The following KAZN variants were observed in gnomAD, a reference collection of about 807,000 sequenced individuals.
KAZN encodes kazrin.
KAZN carries 40 observed loss-of-function variants against 87.4 expected under a neutral mutation model. The ratio of observed to expected loss-of-function variants is 0.46; its 90% confidence interval spans 0.36 to 0.60. The LOEUF (loss-of-function observed/expected upper bound fraction) is 0.60, where lower values mean the gene tolerates loss of function less well. Among genes scored for constraint, KAZN ranks in the 20% least tolerant of loss-of-function variants. The pLI, the probability that KAZN is intolerant of heterozygous loss-of-function variation, is 0.00. For synonymous variants in KAZN, 466 were observed against 458.3 expected (o/e 1.02, Z -0.22); for missense variants, 898 against 1,073.9 (o/e 0.84, Z 2.29).
chr1:14,835,270 C>A (rs527496574), intron 1 of KAZN, among the ~76,000 whole-genome samples: 4 of 152,306 alleles, frequency 2.6e-5, no homozygotes, highest in African/African-American at 9.6e-5. Context: ...ATGATGGCAT[C>A]TGTGACAAGC....
intron 2 of KAZN, among the ~76,000 whole-genome samples, chr1:14,585,863 G>A (rs1333482423): frequency 1.3e-5 from 2 of 152,150 alleles, no homozygotes; most frequent in Admixed American, 6.5e-5. Flanking sequence ...AGGGAAGATG[G>A]GCTTCTGCTG....
rs141381486 is a variant in KAZN, at chr1:14,057,746, T to C, written c.92-122689T>C. The stretch of plus-strand genomic sequence containing the variant: ...TGTCTGGAAAGGCAACTCAAATAAA[T>C]GCTAATGTGGGCCAGGCCACTGAGT... On this transcript the variant is annotated intron_variant, in intron 1 of 16. Coordinates refer to the KAZN transcript ENST00000636203. 1.4e-4 allele frequency among the ~76,000 whole-genome samples: 21 copies of C among 152,270 alleles called. No homozygotes were observed. In the East Asian group the frequency reaches 4.1e-3, roughly 29 times the overall value.
At position 14,184,330 on chromosome 1, in the gene KAZN, C is replaced by T. The variant is rs1261964490; in HGVS notation, c.249+3738C>T. Among the ~76,000 whole-genome samples, 1 of 152,080 alleles carries T rather than the reference C, an allele frequency of 6.6e-6. No individual in the cohort carries two copies. On this transcript the variant is annotated intron_variant, in intron 2 of 16. Coordinates refer to the KAZN transcript ENST00000636203. The surrounding 1 kb of genome is among the most constrained non-coding windows in gnomAD (Gnocchi z 4.2). ...TCCCCTCCTCCCTCCCTCGCCTTCT[C>T]TTCTTTTGGTTGGCAAAATAAATGT...
At chr1:14,488,937 T>A (rs1457749356) in intron 2 of KAZN, among the ~76,000 whole-genome samples, 1 of 152,248 alleles carries the variant, frequency 6.6e-6, no homozygotes, top group African/African-American at 2.4e-5. Flanking sequence ...TTGCATTGTT[T>A]CACTGCCCTC....
At chr1:14,154,351 C>A (rs931446767) in intron 1 of KAZN, among the ~76,000 whole-genome samples, 1 of 152,120 alleles carries the variant, frequency 6.6e-6, no homozygotes, top group Non-Finnish European at 1.5e-5. Flanking sequence ...ATTTTGTATC[C>A]TGCAGCTTTA....
intron 2 of KAZN, among the ~76,000 whole-genome samples, chr1:14,384,115 T>C (rs1443436338): frequency 6.6e-6 from 1 of 150,910 alleles, no homozygotes; most frequent in Admixed American, 6.6e-5. Context: ...GGCTCTCTGT[T>C]TGTCTGTTAT....
intron 1 of KAZN, among the ~76,000 whole-genome samples, chr1:14,785,561 G>A (rs1645487333): frequency 6.6e-6 from 1 of 151,934 alleles, no homozygotes; most frequent in African/African-American, 2.4e-5. Flanking sequence ...TTCCTGCTCC[G>A]ACCCTCACCA....
intron 1 of KAZN, among the ~76,000 whole-genome samples, chr1:13,953,494 C>T (rs985940698): frequency 3.3e-5 from 5 of 152,168 alleles, no homozygotes; most frequent in South Asian, 4.1e-4. Context: ...TCCAAAATAA[C>T]GTGTTCTCAG....
chr1:15,035,815 G>A (rs942915387), intron 3 of KAZN, among the ~76,000 whole-genome samples: 1 of 152,130 alleles, frequency 6.6e-6, no homozygotes, highest in Admixed American at 6.5e-5. Context: ...CTCCAGCCTC[G>A]AGCTGAATGC....
chr1:14,966,727 A>C (rs112928512), intron 2 of KAZN, among the ~76,000 whole-genome samples: 91 of 152,198 alleles, frequency 6.0e-4, no homozygotes, highest in African/African-American at 2.1e-3. Flanking sequence ...ACTGGAGTAC[A>C]GTGGCGCCAT....
chr1:14,597,786 A>C (rs745693321), upstream of KAZN, among the ~76,000 whole-genome samples: 49 of 152,128 alleles, frequency 3.2e-4, 1 homozygote, highest in Non-Finnish European at 3.5e-4. Context: ...GAAGTTTGCT[A>C]TGGTAACAAG....
At chr1:14,697,579 G>A (rs74058801) in intron 1 of KAZN, among the ~76,000 whole-genome samples, 3,447 of 152,224 alleles carry the variant, frequency 0.023, 143 homozygotes, top group African/African-American at 0.079. Context: ...ACGGGGCTGC[G>A]TCGTCAGTGG....
At chr1:14,971,500 C>T (rs1429012039) in intron 2 of KAZN, among the ~76,000 whole-genome samples, 2 of 152,096 alleles carry the variant, frequency 1.3e-5, no homozygotes, top group African/African-American at 2.4e-5. Flanking sequence ...AACTGATTTT[C>T]TTCATAGATA....
chr1:14,448,238 A>G (rs181423104), intron 2 of KAZN, among the ~76,000 whole-genome samples: 5 of 152,340 alleles, frequency 3.3e-5, no homozygotes, highest in African/African-American at 1.2e-4. Flanking sequence ...TCAAGATCAC[A>G]CCATTGGTAA....
chr1:14,235,828 G>C (rs1648368374), intron 2 of KAZN, among the ~76,000 whole-genome samples: 2 of 152,202 alleles, frequency 1.3e-5, no homozygotes, highest in East Asian at 3.9e-4. Flanking sequence ...TTTATTGCTG[G>C]AAACAGCACC....
chr1:14,070,691 A>G (rs909137517), intron 1 of KAZN, among the ~76,000 whole-genome samples: 5 of 152,216 alleles, frequency 3.3e-5, no homozygotes, highest in East Asian at 1.9e-4. Context: ...TCGTACACGT[A>G]TGGCTTTCAA....
chr1:14,714,102 G>C (rs1642648418), intron 1 of KAZN, among the ~76,000 whole-genome samples: 1 of 152,132 alleles, frequency 6.6e-6, no homozygotes, highest in Non-Finnish European at 1.5e-5. Flanking sequence ...ACTGGGTCTT[G>C]CTCTCTGGGC....
chr1:14,433,630 G>T (rs1017664265), intron 2 of KAZN, among the ~76,000 whole-genome samples: 1 of 152,216 alleles, frequency 6.6e-6, no homozygotes, highest in African/African-American at 2.4e-5. Flanking sequence ...GGCCAAGGCA[G>T]GTGGATCACC....
intron 1 of KAZN, among the ~76,000 whole-genome samples, chr1:14,817,456 A>T (rs1022199480): frequency 1.3e-5 from 2 of 152,218 alleles, no homozygotes; most frequent in African/African-American, 2.4e-5. Context: ...CATAGCAGAA[A>T]CATAAAATAA....
Sources: allele counts gnomAD v4.1 joint callset (sites outside exome capture counted in the v4.1 genomes callset), GRCh38; gene constraint gnomAD v4.1.1; non-coding constraint Gnocchi (gnomAD v3.1); transcripts MANE v1.5; gene names NCBI Gene and HGNC (gene_info 2026-07-23, HGNC 2026-07-21).